COL19A1: variants seen among roughly 807,000 people sequenced by gnomAD.
The protein encoded by COL19A1 is collagen alpha-1(XIX) chain.
COL19A1 carries 159 observed loss-of-function variants against 190.2 expected under a neutral mutation model. The observed-to-expected ratio is 0.84, with a 90% CI of 0.73 to 0.95. The LOEUF (loss-of-function observed/expected upper bound fraction) is 0.95, where lower values mean the gene tolerates loss of function less well. Ranked by LOEUF, COL19A1 falls within the 40% of genes least tolerant of loss-of-function variation. COL19A1 has a pLI of 0.00. For synonymous variants in COL19A1, 509 were observed against 458.9 expected, an observed-to-expected ratio of 1.11 and a Z score of -1.39; for missense variants, 1,418 against 1,431.9, an observed-to-expected ratio of 0.99 and a Z score of 0.16.
chr6:69,996,141 C>T (rs538442484), intron 11 of COL19A1, among the ~76,000 whole-genome samples: 1 of 152,176 alleles, frequency 6.6e-6, no homozygotes, highest in South Asian at 2.1e-4. Flanking sequence ...AGTACCTTAC[C>T]TATAAATTCT....
At chr6:70,085,469 A>G (rs1207374448) in intron 15 of COL19A1, among the ~76,000 whole-genome samples, 1 of 152,248 alleles carries the variant, frequency 6.6e-6, no homozygotes, top group African/African-American at 2.4e-5. Context: ...AACTTTTACT[A>G]CAACTGGTTT....
chr6:69,892,926 G>A lies in COL19A1; in HGVS notation c.92-6022G>A, dbSNP rs183482776. 1.0e-3 allele frequency among the ~76,000 whole-genome samples: 156 copies of A among 152,246 alleles called. 1 individual carries two copies. The highest frequency in any genetic ancestry group is 3.3e-3 in the African/African-American group (136 of 41,540). Reference sequence around the variant, plus strand: ...GGATTCTTATTCCACTGATGCAAACGGCTATATTACCATAAGTTGAGGATA... The same window carrying A: ...GGATTCTTATTCCACTGATGCAAACAGCTATATTACCATAAGTTGAGGATA... On this transcript the variant is annotated intron_variant, in intron 2 of 50. Coordinates refer to ENST00000620364, the MANE Select transcript of COL19A1 (RefSeq NM_001858.6).
intron 41 of COL19A1, among the ~76,000 whole-genome samples, chr6:70,174,788 A>G (rs1171454939): frequency 6.6e-6 from 1 of 152,204 alleles, no homozygotes; most frequent in Non-Finnish European, 1.5e-5. Flanking sequence ...AGAGAGGGAG[A>G]GGCCATTGAG....
chr6:69,943,493 C>T (rs1043035057), intron 9 of COL19A1, among the ~76,000 whole-genome samples: 1 of 152,082 alleles, frequency 6.6e-6, no homozygotes, highest in Non-Finnish European at 1.5e-5. Flanking sequence ...GACTAATGTA[C>T]CAAAGCATTT....
At position 70,010,419 on chromosome 6, in the gene COL19A1, C is replaced by CG. The variant is rs1285556467; in HGVS notation, c.1027-13206dup. ...CTCCCAGCGTGAGCGACGCAGAAGA[C>CG]GGTGATTTCTGCATTTCCATCTGAG... On this transcript the variant is annotated intron_variant, in intron 11 of 50. Coordinates refer to ENST00000620364, the MANE Select transcript of COL19A1 (RefSeq NM_001858.6). 4.1e-5 allele frequency among the ~76,000 whole-genome samples: 6 copies of CG among 147,032 alleles called. 1 individual carries two copies. The highest frequency in any genetic ancestry group is 1.4e-4 in the Admixed American group (2 of 14,602).
At position 69,944,700 on chromosome 6, in the gene COL19A1, A is replaced by G. The variant is rs542501762; in HGVS notation, c.936+6600A>G. On this transcript the variant is annotated intron_variant, in intron 9 of 50. Coordinates refer to ENST00000620364, the MANE Select transcript of COL19A1 (RefSeq NM_001858.6). Reference sequence around the variant, plus strand: ...TTATTTGCCTATTTTCTTATCTACTATGATGGTTTATTAATATGATTTACT... The same window carrying G: ...TTATTTGCCTATTTTCTTATCTACTGTGATGGTTTATTAATATGATTTACT... 4.6e-5 allele frequency among the ~76,000 whole-genome samples: 7 copies of G among 152,176 alleles called. No individual in the cohort carries two copies. In the South Asian group the frequency reaches 1.0e-3, roughly 23 times the overall value.
chr6:70,027,035 A>G (rs546260214), intron 12 of COL19A1, among the ~76,000 whole-genome samples: 52 of 152,262 alleles, frequency 3.4e-4, no homozygotes, highest in African/African-American at 1.2e-3. Context: ...ATTCTTAGGA[A>G]TTGAAAGGTA....
chr6:70,165,931 T>TC lies in COL19A1; in HGVS notation c.2401-7dup. 6.2e-7 allele frequency: 1 copy of TC among 1,613,630 alleles called. No individual in the cohort carries two copies. The highest frequency in any genetic ancestry group is 8.5e-7 in the Non-Finnish European group (1 of 1,179,600). ...TCTACGCCGCTGATATGTCTATATA[T>TC]CCCTTGCAGGGCAGCGACGGACCCC... is the stretch of plus-strand genomic sequence containing the variant. On this transcript the variant is annotated splice_polypyrimidine_tract_variant and intron_variant, in intron 36 of 50. Coordinates refer to ENST00000620364, the MANE Select transcript of COL19A1 (RefSeq NM_001858.6).
intron 8 of COL19A1, among the ~76,000 whole-genome samples, chr6:69,937,486 G>A (rs949754400): frequency 1.3e-5 from 2 of 152,074 alleles, no homozygotes; most frequent in African/African-American, 4.8e-5. Flanking sequence ...TTCCTTTATG[G>A]ATGTTAATGG....
chr6:70,024,582 CGTGTGTGTGTGTGTGT>C (rs71536487), intron 12 of COL19A1, among the ~76,000 whole-genome samples: 25 of 143,392 alleles, frequency 1.7e-4, no homozygotes, highest in Non-Finnish European at 3.7e-4. Flanking sequence ...TGGAGAAAGT[CGTGTGTGTGTGTGTGT>C]GTGTGTGTGT....
intron 16 of COL19A1, among the ~76,000 whole-genome samples, chr6:70,120,607 T>C (rs1302559075): frequency 6.6e-6 from 1 of 152,234 alleles, no homozygotes; most frequent in Non-Finnish European, 1.5e-5. Flanking sequence ...ATTCTCTTCT[T>C]ACAATAGCTC....
At chr6:70,081,275 C>G (rs187858921) in intron 15 of COL19A1, among the ~76,000 whole-genome samples, 2 of 152,082 alleles carry the variant, frequency 1.3e-5, no homozygotes, top group Admixed American at 6.6e-5. Context: ...CTCCATACTA[C>G]TTTCTATCTT....
chr6:70,057,524 G>A (rs770723087), intron 14 of COL19A1, among the ~76,000 whole-genome samples: 38 of 152,074 alleles, frequency 2.5e-4, no homozygotes, highest in Non-Finnish European at 2.6e-4. Context: ...AATGATATAA[G>A]CATTTTAAAT....
At chr6:70,049,270 A>G (rs993971902) in intron 14 of COL19A1, among the ~76,000 whole-genome samples, 6 of 152,018 alleles carry the variant, frequency 3.9e-5, no homozygotes, top group African/African-American at 1.2e-4. Flanking sequence ...ATCTGCCAGT[A>G]GAAAGAAGGC....
At chr6:69,950,924 G>T (rs1378990735) in intron 9 of COL19A1, among the ~76,000 whole-genome samples, 1 of 151,780 alleles carries the variant, frequency 6.6e-6, no homozygotes, top group South Asian at 2.1e-4. Flanking sequence ...TAGAAGTGGG[G>T]ATTTTTTTCT....
intron 14 of COL19A1, among the ~76,000 whole-genome samples, chr6:70,066,461 G>A (rs1279790943): frequency 2.0e-5 from 3 of 151,874 alleles, no homozygotes; most frequent in Non-Finnish European, 2.9e-5. Flanking sequence ...GGTGGGGGGA[G>A]TGGGGAGGGA....
chr6:70,033,530 TCTC>T (rs747088175), intron 12 of COL19A1, among the ~76,000 whole-genome samples: 6 of 152,108 alleles, frequency 3.9e-5, no homozygotes, highest in African/African-American at 9.7e-5. Context: ...GTAGAGCTGA[TCTC>T]CTCTGGTACA....
chr6:70,148,269 GCCCA>G (rs1377710697), intron 27 of COL19A1, among the ~76,000 whole-genome samples: 1 of 151,906 alleles, frequency 6.6e-6, no homozygotes, highest in Non-Finnish European at 1.5e-5. Flanking sequence ...CTATCCAGGA[GCCCA>G]CCGAGAGTCA....
intron 9 of COL19A1, among the ~76,000 whole-genome samples, chr6:69,950,035 A>G (rs1035580742): frequency 3.3e-5 from 5 of 151,918 alleles, no homozygotes; most frequent in African/African-American, 1.2e-4. Flanking sequence ...ATTAATTTGT[A>G]CATTAACTAT....
Sources: gnomAD v4.1 joint callset for allele counts (sites outside exome capture counted in the v4.1 genomes callset) on GRCh38, gnomAD v4.1.1 for gene constraint, MANE v1.5 for transcripts, NCBI Gene and HGNC (gene_info 2026-07-23, HGNC 2026-07-21) for gene names.